EYS: variants seen among roughly 807,000 people sequenced by gnomAD.
The protein encoded by EYS is EGF-like photoreceptor maintenance factor.
A neutral mutation model predicts 282.1 loss-of-function variants in EYS; 250 were observed. The observed-to-expected ratio is 0.89, with a 90% CI of 0.80 to 0.98. EYS has a LOEUF of 0.98. Ranked by LOEUF, EYS falls within the 50% of genes least tolerant of loss-of-function variation. The pLI, the probability that EYS is intolerant of heterozygous loss-of-function variation, is 0.00. For missense variants in EYS, 4,016 were observed against 3,709.0 expected (o/e 1.08, Z -2.15); for synonymous variants, 1,355 against 1,282.9 (o/e 1.06, Z -1.20).
chr6:64,483,866 C>T (rs1776507212), intron 26 of EYS, among the ~76,000 whole-genome samples: 2 of 151,576 alleles, frequency 1.3e-5, no homozygotes, highest in Admixed American at 1.3e-4. Context: ...TTATTGTGTG[C>T]TTTCTAAAAT....
intron 31 of EYS, among the ~76,000 whole-genome samples, chr6:64,215,014 C>A (rs1274454956): frequency 2.0e-5 from 3 of 151,876 alleles, no homozygotes; most frequent in Admixed American, 6.6e-5. Context: ...AAAATGATTG[C>A]AAGTCATTTC....
intron 30 of EYS, among the ~76,000 whole-genome samples, chr6:64,236,290 T>C (rs1272229992): frequency 6.6e-6 from 1 of 152,200 alleles, no homozygotes; most frequent in Non-Finnish European, 1.5e-5. Flanking sequence ...TCATTTTTAG[T>C]ACTGATATGG....
chr6:64,839,427 G>A (rs546187661), intron 19 of EYS, among the ~76,000 whole-genome samples: 30 of 151,908 alleles, frequency 2.0e-4, no homozygotes, highest in Non-Finnish European at 1.5e-4. Flanking sequence ...CTATATAACA[G>A]TGTTCCTTTA....
intron 2 of EYS, among the ~76,000 whole-genome samples, chr6:65,537,029 G>T (rs989272335): frequency 2.0e-5 from 3 of 152,198 alleles, no homozygotes; most frequent in African/African-American, 7.2e-5. Flanking sequence ...GACATAGAAT[G>T]AGTTCATGTC....
At chr6:63,735,040 T>C (rs1008358745) in intron 41 of EYS, among the ~76,000 whole-genome samples, 16 of 152,104 alleles carry the variant, frequency 1.1e-4, no homozygotes, top group Admixed American at 2.0e-4. Context: ...AGAATTGATA[T>C]TATATTTACA....
rs143614953 is a variant in EYS, at chr6:64,251,606, C to T, written c.6192-20782G>A. 3.3e-5 allele frequency among the ~76,000 whole-genome samples: 5 copies of T among 152,256 alleles called. No homozygotes were observed. In the East Asian group the frequency reaches 5.8e-4, roughly 18 times the overall value. On this transcript the variant is annotated intron_variant, in intron 30 of 42. Transcript: ENST00000503581. Reference sequence around the variant, plus strand: ...GCAAGCAGCTATGTGGTTCTCCCAACGTAAAATGCCATTTCTTTTTCATTT... The same window carrying T: ...GCAAGCAGCTATGTGGTTCTCCCAATGTAAAATGCCATTTCTTTTTCATTT...
intron 29 of EYS, among the ~76,000 whole-genome samples, chr6:64,364,880 A>T (rs1486757409): frequency 6.6e-6 from 1 of 151,942 alleles, no homozygotes; most frequent in East Asian, 1.9e-4. Context: ...ACACAACAGC[A>T]CTGGTACCCC....
At chr6:64,339,270 A>C (rs957917676) in intron 29 of EYS, among the ~76,000 whole-genome samples, 1 of 152,002 alleles carries the variant, frequency 6.6e-6, no homozygotes, top group Non-Finnish European at 1.5e-5. Flanking sequence ...CAATGAACTC[A>C]AACATATCAG....
chr6:64,811,037 T>C (rs1394992849), intron 22 of EYS, among the ~76,000 whole-genome samples: 2 of 152,098 alleles, frequency 1.3e-5, no homozygotes, highest in Non-Finnish European at 2.9e-5. Flanking sequence ...TGATTTTACA[T>C]AAACATACTA....
At chr6:65,021,105 C>T (rs1312957329) in intron 13 of EYS, among the ~76,000 whole-genome samples, 1 of 152,202 alleles carries the variant, frequency 6.6e-6, no homozygotes, top group Admixed American at 6.5e-5. Context: ...TCCCCATTGT[C>T]TTGGTGATTA....
intron 29 of EYS, among the ~76,000 whole-genome samples, chr6:64,345,696 C>T (rs934636418): frequency 3.9e-5 from 6 of 152,062 alleles, no homozygotes; most frequent in African/African-American, 1.4e-4. Flanking sequence ...CCAAAAGTGA[C>T]AAATGGGATC....
At chr6:64,231,602 T>C (rs947194660) in intron 30 of EYS, among the ~76,000 whole-genome samples, 13 of 152,156 alleles carry the variant, frequency 8.5e-5, no homozygotes, top group African/African-American at 2.7e-4. Flanking sequence ...TCACCTACAG[T>C]GCTAAGCCCA....
At chr6:64,322,259 A>G (rs1244157333) in intron 29 of EYS, among the ~76,000 whole-genome samples, 1 of 151,996 alleles carries the variant, frequency 6.6e-6, no homozygotes, top group Non-Finnish European at 1.5e-5. Flanking sequence ...GTAAACCTAG[A>G]GGGTTTACTT....
intron 26 of EYS, among the ~76,000 whole-genome samples, chr6:64,489,114 C>T (rs1776660666): frequency 6.6e-6 from 1 of 150,772 alleles, no homozygotes; most frequent in Non-Finnish European, 1.5e-5. Context: ...GCTTTCTGTT[C>T]TTTAGTTTTC....
intron 22 of EYS, among the ~76,000 whole-genome samples, chr6:64,777,367 C>T (rs1278865414): frequency 1.3e-5 from 2 of 152,052 alleles, no homozygotes; most frequent in Non-Finnish European, 2.9e-5. Flanking sequence ...TGGTGGTGAA[C>T]ATGCTGTTGG....
chr6:65,011,920 C>G (rs1272940037), intron 13 of EYS, among the ~76,000 whole-genome samples: 4 of 152,092 alleles, frequency 2.6e-5, no homozygotes, highest in Admixed American at 1.3e-4. Flanking sequence ...GGGTCGCCTC[C>G]CTTTGTATGG....
At chr6:65,675,627 G>A (rs919403599) in intron 1 of EYS, among the ~76,000 whole-genome samples, 2 of 151,834 alleles carry the variant, frequency 1.3e-5, no homozygotes, top group Admixed American at 6.6e-5. Flanking sequence ...GAACTGGAGT[G>A]AGATAGAGAG....
At chr6:64,896,544 TG>T (rs138550405) in intron 18 of EYS, among the ~76,000 whole-genome samples, 2 of 85,660 alleles carry the variant, frequency 2.3e-5, no homozygotes, top group Non-Finnish European at 5.8e-5. Flanking sequence ...CAGGAGTTGT[TG>T]TTTTTTTTTT....
intron 7 of EYS, 58 bp from the exon 8 acceptor site, chr6:65,384,558 C>T: frequency 1.2e-6 from 1 of 859,896 alleles, no homozygotes; most frequent in Middle Eastern, 2.7e-4. Context: ...TCAGAAAAGC[C>T]TATTAACATT....
Sources: allele counts gnomAD v4.1 joint callset (sites outside exome capture counted in the v4.1 genomes callset), GRCh38; gene constraint gnomAD v4.1.1; transcripts MANE v1.5; gene names NCBI Gene and HGNC (gene_info 2026-07-23, HGNC 2026-07-21).